The following MTA3 variants were observed in gnomAD, a reference collection of about 807,000 sequenced individuals.
MTA3 encodes the protein metastasis-associated protein MTA3.
Under a neutral mutation model 83.5 loss-of-function variants are expected in MTA3, and 34 were observed. That is an observed-to-expected ratio of 0.41 (90% CI 0.31 to 0.54). The LOEUF is 0.54. Among genes scored for constraint, MTA3 ranks in the 20% least tolerant of loss-of-function variants. The pLI, the probability that MTA3 is intolerant of heterozygous loss-of-function variation, is 0.33. For synonymous variants in MTA3, 303 were observed against 252.7 expected (o/e 1.20, Z -1.89); for missense variants, 761 against 726.4 (o/e 1.05, Z -0.55).
At chr2:42,658,641 T>G (rs185653320) in intron 7 of MTA3, among the ~76,000 whole-genome samples, 73 of 152,302 alleles carry the variant, frequency 4.8e-4, no homozygotes, top group African/African-American at 1.7e-3. Flanking sequence ...GAAAGGAGCT[T>G]GAGGAGCCTC....
chr2:42,595,248 T>C (rs1407648859), intron 3 of MTA3, among the ~76,000 whole-genome samples: 2 of 149,622 alleles, frequency 1.3e-5, no homozygotes, highest in Non-Finnish European at 3.0e-5. Flanking sequence ...TAGCTGGGAC[T>C]ACAGGTGCCT....
chr2:42,645,255 T>C (rs1056520375), intron 6 of MTA3, among the ~76,000 whole-genome samples: 1 of 149,112 alleles, frequency 6.7e-6, no homozygotes, highest in Non-Finnish European at 1.5e-5. Context: ...CTGGGTGCAG[T>C]GGCTCATGCC....
chr2:42,556,816 C>T (rs977812397), intron 2 of MTA3, among the ~76,000 whole-genome samples: 1 of 152,126 alleles, frequency 6.6e-6, no homozygotes, highest in African/African-American at 2.4e-5. Flanking sequence ...TCAACTCTAC[C>T]TTCAGCATTG....
intron 4 of MTA3, among the ~76,000 whole-genome samples, chr2:42,615,128 T>C (rs1475729319): frequency 3.3e-5 from 5 of 151,956 alleles, no homozygotes; most frequent in African/African-American, 1.2e-4. Flanking sequence ...CCATCTCTCC[T>C]AAAAATACAA....
chr2:42,513,677 G>A (rs754659109), intron 2 of MTA3, among the ~76,000 whole-genome samples: 42 of 152,174 alleles, frequency 2.8e-4, no homozygotes, highest in Non-Finnish European at 3.7e-4. Context: ...ACACCAGGAG[G>A]GACATTTGGA....
chr2:42,609,002 T>C (rs760981213), intron 3 of MTA3, among the ~76,000 whole-genome samples: 27 of 152,164 alleles, frequency 1.8e-4, no homozygotes, highest in Non-Finnish European at 3.2e-4. Flanking sequence ...AATTTTATGG[T>C]TATAGTTGAA....
chr2:42,561,920 C>A (rs1677693122), intron 2 of MTA3, among the ~76,000 whole-genome samples: 1 of 152,126 alleles, frequency 6.6e-6, no homozygotes, highest in Non-Finnish European at 1.5e-5. Context: ...TAACAAATTA[C>A]AACAAATTGG....
At chr2:42,631,722 C>G (rs4355164) in intron 4 of MTA3, among the ~76,000 whole-genome samples, 112,568 of 152,110 alleles carry the variant, frequency 0.74, 41,883 homozygotes, top group South Asian at 0.88. Context: ...CGGAGTCTCC[C>G]TTAGTGACCC....
At chr2:42,594,726 A>ATTTT (rs1303482913) in intron 3 of MTA3, among the ~76,000 whole-genome samples, 15 of 29,362 alleles carry the variant, frequency 5.1e-4, no homozygotes, top group East Asian at 2.3e-3. Flanking sequence ...ATATATATAT[A>ATTTT]TATTTTTTTT....
chr2:42,592,067 C>T (rs2103942810), intron 3 of MTA3, among the ~76,000 whole-genome samples: 1 of 152,090 alleles, frequency 6.6e-6, no homozygotes, highest in African/African-American at 2.4e-5. Flanking sequence ...AGTTGGAGAC[C>T]AGTCTGGGCA....
chr2:42,612,839 C>G (rs1209274007), intron 4 of MTA3, among the ~76,000 whole-genome samples: 2 of 151,756 alleles, frequency 1.3e-5, no homozygotes, highest in Non-Finnish European at 2.9e-5. Flanking sequence ...CCAGCCTGGG[C>G]AACAAGAGAG....
chr2:42,619,393 T>A (rs1418385285), intron 4 of MTA3, among the ~76,000 whole-genome samples: 2 of 152,212 alleles, frequency 1.3e-5, no homozygotes, highest in Admixed American at 6.6e-5. Flanking sequence ...TCAGTTTTAC[T>A]CAGTGTGTAT....
chr2:42,560,967 CTT>C (rs1410212597), intron 2 of MTA3, among the ~76,000 whole-genome samples: 1 of 152,128 alleles, frequency 6.6e-6, no homozygotes, highest in African/African-American at 2.4e-5. Context: ...CTTCTAAAGG[CTT>C]CCCACTATAT....
chr2:42,653,221 G>A (rs1688872216), intron 6 of MTA3, among the ~76,000 whole-genome samples: 1 of 152,152 alleles, frequency 6.6e-6, no homozygotes, highest in South Asian at 2.1e-4. Flanking sequence ...GGTTAGGGGA[G>A]ATCGTCATGG....
At chr2:42,692,019 G>T (rs995373601) in intron 9 of MTA3, among the ~76,000 whole-genome samples, 4 of 151,886 alleles carry the variant, frequency 2.6e-5, no homozygotes, top group Non-Finnish European at 4.4e-5. Context: ...TCCAGGTTTG[G>T]GAAATTCCCT....
chr2:42,722,940 A>C lies in MTA3; in HGVS notation c.1664A>C (p.Gln555Pro). ...GTAATTCGATCTACACCAAGCCTGC[A>C]AACCCCAACTACCAAGCGGATGCTA... ...PNVIRSTPSL[Q>P]TPTTKRMLTT... Residue 555 changes from glutamine to proline, a missense_variant, in exon 16 of 17, where the codon CAA becomes CCA. Transcript: ENST00000405094. The C allele has an allele frequency of 6.4e-7, 1 of 1,551,244 alleles. No individual in the cohort carries two copies. Among genetic ancestry groups the C allele is most frequent in the Non-Finnish European group, 8.7e-7 (1 of 1,147,140 alleles).
intron 16 of MTA3, among the ~76,000 whole-genome samples, chr2:42,742,746 T>C (rs1385697953): frequency 6.6e-6 from 1 of 152,246 alleles, no homozygotes; most frequent in Non-Finnish European, 1.5e-5. Context: ...ATTAAAGTTT[T>C]ATTTGGAAAA....
At chr2:42,683,903 A>G (rs987004553) in intron 9 of MTA3, among the ~76,000 whole-genome samples, 2 of 152,194 alleles carry the variant, frequency 1.3e-5, no homozygotes, top group Non-Finnish European at 2.9e-5. Context: ...ACCCCTGAGT[A>G]TCCTATGTAT....
intron 6 of MTA3, among the ~76,000 whole-genome samples, chr2:42,648,337 G>T (rs1688408107): frequency 6.6e-6 from 1 of 152,194 alleles, no homozygotes; most frequent in Non-Finnish European, 1.5e-5. Flanking sequence ...GGATTTGCTG[G>T]AATCCATTCT....
Sources: allele counts gnomAD v4.1 joint callset (sites outside exome capture counted in the v4.1 genomes callset), GRCh38; gene constraint gnomAD v4.1.1; transcripts MANE v1.5; gene names NCBI Gene and HGNC (gene_info 2026-07-23, HGNC 2026-07-21).